SYT1: variants seen among roughly 807,000 people sequenced by gnomAD.
The protein encoded by SYT1 is synaptotagmin-1.
A neutral mutation model predicts 44.8 loss-of-function variants in SYT1; 8 were observed. That is an observed-to-expected ratio of 0.18 (90% CI 0.10 to 0.32). SYT1 has a LOEUF of 0.32. Among genes scored for constraint, SYT1 ranks in the 10% least tolerant of loss-of-function variants. SYT1 has a pLI of 1.00. For synonymous variants in SYT1, 154 were observed against 188.8 expected, an observed-to-expected ratio of 0.82 and a Z score of 1.51; for missense variants, 286 against 509.3, an observed-to-expected ratio of 0.56 and a Z score of 4.22.
At chr12:79,447,433 C>T (rs934154422) in intron 10 of SYT1, among the ~76,000 whole-genome samples, 4 of 152,064 alleles carry the variant, frequency 2.6e-5, no homozygotes, top group Non-Finnish European at 5.9e-5. Context: ...AATGTAAGCC[C>T]TTCTCCCCCA....
intron 3 of SYT1, among the ~76,000 whole-genome samples, chr12:79,123,996 A>G (rs1393495092): frequency 6.6e-6 from 1 of 152,216 alleles, no homozygotes; most frequent in African/African-American, 2.4e-5. Flanking sequence ...AACATTTATC[A>G]AGCACATACT....
At chr12:79,446,705 T>C (rs1291940602) in intron 10 of SYT1, among the ~76,000 whole-genome samples, 1 of 152,196 alleles carries the variant, frequency 6.6e-6, no homozygotes, top group Non-Finnish European at 1.5e-5. Flanking sequence ...GTTACATAAG[T>C]AAATGCAGAG....
chr12:79,299,699 C>T (rs1880043047), intron 8 of SYT1, 148 bp downstream of exon 8: 1 of 928,756 alleles, frequency 1.1e-6, no homozygotes, highest in Non-Finnish European at 1.5e-6. Flanking sequence ...GGGCACTGCA[C>T]CACCTCGTTA....
chr12:79,223,172 TG>T (rs1213136699), intron 4 of SYT1, among the ~76,000 whole-genome samples: 1 of 152,234 alleles, frequency 6.6e-6, no homozygotes, highest in Non-Finnish European at 1.5e-5. Flanking sequence ...TGATTCTTCT[TG>T]ATCTTTATGA....
intron 9 of SYT1, among the ~76,000 whole-genome samples, chr12:79,362,257 A>G (rs543176856): frequency 7.3e-4 from 111 of 152,208 alleles, no homozygotes; most frequent in African/African-American, 2.6e-3. Flanking sequence ...TGAGTAAGCC[A>G]AAAAATGTGG....
At chr12:79,009,646 C>T (rs1302513664) in intron 2 of SYT1, among the ~76,000 whole-genome samples, 1 of 152,086 alleles carries the variant, frequency 6.6e-6, no homozygotes, top group African/African-American at 2.4e-5. Context: ...AACATTGTGC[C>T]AATATCATCT....
chr12:79,106,287 C>T (rs1037313068), intron 3 of SYT1, among the ~76,000 whole-genome samples: 9 of 152,028 alleles, frequency 5.9e-5, no homozygotes, highest in Non-Finnish European at 1.3e-4. Flanking sequence ...ACCCTAAGGT[C>T]CAAGTATAGT....
At chr12:79,245,317 A>G (rs1876768510) in intron 4 of SYT1, among the ~76,000 whole-genome samples, 1 of 150,632 alleles carries the variant, frequency 6.6e-6, no homozygotes, top group Non-Finnish European at 1.5e-5. Context: ...AAAAAAAAAA[A>G]AAAAAAAATT....
chr12:79,088,738 C>CTGTGTGTG lies in SYT1; in HGVS notation c.-18+41410_-18+41417dup, dbSNP rs571903732. ...TATTCAGATCACAGTGGCTTTGGGC[C>CTGTGTGTG]TGTGTGTGTGTGTGTGTGTGTGTGT... On this transcript the variant is annotated intron_variant, in intron 3 of 10. Transcript: ENST00000261205. Among the ~76,000 whole-genome samples the CTGTGTGTG allele has an allele frequency of 1.4e-3, 193 of 137,252 alleles. 3 individuals are homozygous for CTGTGTGTG. The highest frequency in any genetic ancestry group is 3.5e-3 in the Admixed American group (47 of 13,616). The allele number at this position is 137,252 out of a possible 152,430, so 90.0% of individuals were successfully genotyped here. A position where few individuals can be genotyped will look rare whatever the true frequency, so the allele number is the denominator to read the frequency against.
chr12:79,122,414 T>C (rs1156540914), intron 3 of SYT1, among the ~76,000 whole-genome samples: 1 of 141,286 alleles, frequency 7.1e-6, no homozygotes, highest in African/African-American at 2.7e-5. Context: ...CTCGGGAGGC[T>C]GAGGCAGGAG....
In SYT1 at chr12:79,414,784, G is replaced by T. The variant is rs915733397; in HGVS notation, c.929-29289G>T. On this transcript the variant is annotated intron_variant, in intron 9 of 10. Coordinates refer to ENST00000261205, the MANE Select transcript of SYT1 (RefSeq NM_005639.3). ...GAGTGGAAAGAAAGCAGAGATGAAT[G>T]AGGGCTACAAGAATCACAACAGGCT... Among the ~76,000 whole-genome samples the T allele has an allele frequency of 1.7e-4, 26 of 152,282 alleles. No homozygotes were observed. The South Asian group carries it at 5.0e-3, about 29-fold the overall frequency.
intron 1 of SYT1, among the ~76,000 whole-genome samples, chr12:78,919,351 G>A (rs1304754076): frequency 6.6e-6 from 1 of 152,018 alleles, no homozygotes; most frequent in African/African-American, 2.4e-5. Flanking sequence ...GGATGTCAAG[G>A]GAAGCTCCAT....
chr12:79,424,855 A>G (rs769021204), intron 9 of SYT1, among the ~76,000 whole-genome samples: 7 of 149,622 alleles, frequency 4.7e-5, no homozygotes, highest in Non-Finnish European at 5.9e-5. Context: ...AAGTTTTTAA[A>G]TTTGTTATCC....
chr12:79,159,168 A>G (rs1870792448), intron 3 of SYT1, among the ~76,000 whole-genome samples: 1 of 152,206 alleles, frequency 6.6e-6, no homozygotes, highest in Admixed American at 6.5e-5. Flanking sequence ...CAAAGCAAGG[A>G]AAGAGAGGTG....
chr12:78,914,237 T>G (rs1256006955), intron 1 of SYT1, among the ~76,000 whole-genome samples: 1 of 151,838 alleles, frequency 6.6e-6, no homozygotes, highest in Non-Finnish European at 1.5e-5. Context: ...ATTGGAGAAA[T>G]GGGTATTGCA....
intron 8 of SYT1, among the ~76,000 whole-genome samples, chr12:79,306,809 T>C (rs1459187298): frequency 6.6e-6 from 1 of 151,400 alleles, no homozygotes; most frequent in Non-Finnish European, 1.5e-5. Context: ...AAGTGAGGAG[T>C]GGGAGTTGAA....
intron 9 of SYT1, among the ~76,000 whole-genome samples, chr12:79,380,717 G>C (rs1304173557): frequency 6.6e-6 from 1 of 152,170 alleles, no homozygotes; most frequent in Non-Finnish European, 1.5e-5. Flanking sequence ...AGTGAAGAGG[G>C]CTTGTTTAAA....
At chr12:79,247,155 G>T (rs1157740940) in intron 4 of SYT1, among the ~76,000 whole-genome samples, 1 of 152,204 alleles carries the variant, frequency 6.6e-6, no homozygotes, top group African/African-American at 2.4e-5. Flanking sequence ...TTTATCACCT[G>T]TGACTTTACA....
intron 3 of SYT1, among the ~76,000 whole-genome samples, chr12:79,116,509 A>C (rs570547830): frequency 6.6e-6 from 1 of 152,290 alleles, no homozygotes; most frequent in African/African-American, 2.4e-5. Flanking sequence ...TTATTTCATA[A>C]GTGAGGAACT....
Sources: allele counts gnomAD v4.1 joint callset (sites outside exome capture counted in the v4.1 genomes callset), GRCh38; gene constraint gnomAD v4.1.1; transcripts MANE v1.5; gene names NCBI Gene and HGNC (gene_info 2026-07-23, HGNC 2026-07-21).